HSPA4L: variants seen among roughly 807,000 people sequenced by gnomAD.
HSPA4L encodes heat shock protein family A (Hsp70) member 4 like.
Under a neutral mutation model 100.3 loss-of-function variants are expected in HSPA4L, and 48 were observed. The ratio of observed to expected loss-of-function variants is 0.48; its 90% CI spans 0.38 to 0.61. The LOEUF (loss-of-function observed/expected upper bound fraction) is 0.61, where lower values mean the gene tolerates loss of function less well. Among genes scored for constraint, HSPA4L ranks in the 20% least tolerant of loss-of-function variants. The pLI, the probability that HSPA4L is intolerant of heterozygous loss-of-function variation, is 0.00. For synonymous variants in HSPA4L, 319 were observed against 328.2 expected, an observed-to-expected ratio of 0.97 and a Z score of 0.30; for missense variants, 886 against 988.6, an observed-to-expected ratio of 0.90 and a Z score of 1.39.
Position 127,830,690 on chromosome 4 carries a change from G to A in HSPA4L, c.2219G>A (p.Cys740Tyr), listed in dbSNP as rs1383389619. Residue 740 changes from cysteine (C) to tyrosine (Y), a missense_variant, in exon 18 of 19, where the codon TGT (cysteine) becomes TAT (tyrosine). By Grantham distance (194) the Cys-to-Tyr change is radical (BLOSUM62 -2). Transcript: ENST00000296464. ...ACTGAAATGGAAAAGGTTGAAAAATGTATCAGTGATGCCATGAGTTGGCTG... is the reference window on the plus strand; with the variant it reads ...ACTGAAATGGAAAAGGTTGAAAAATATATCAGTGATGCCATGAGTTGGCTG... ...DPTEMEKVEK[C>Y]ISDAMSWLNS... is the part of the protein sequence containing the mutation. 3.7e-6 allele frequency: 6 copies of A among 1,609,242 alleles called. No homozygotes were observed. The highest frequency in any genetic ancestry group is 2.2e-5 in the East Asian group (1 of 44,446).
chr4:127,782,697 C>A, intron 1 of HSPA4L, 40 bp downstream of exon 1: 2 of 1,422,850 alleles, frequency 1.4e-6, no homozygotes, highest in Non-Finnish European at 1.9e-6. Flanking sequence ...CCCTAAGAAA[C>A]GTTTTTCTCT....
In HSPA4L at chr4:127,830,415, A is replaced by C. The variant is rs552006721; in HGVS notation, c.2167-223A>C. On this transcript the variant is annotated intron_variant, in intron 17 of 18. Coordinates refer to ENST00000296464, the MANE Select transcript of HSPA4L (RefSeq NM_014278.4). ...TATTCCTTAGTAGTCATTCTTTCCC[A>C]AACCTGATTTCTTCAGAGAGCCTTT... Among the ~76,000 whole-genome samples the C allele has an allele frequency of 6.6e-5, 10 of 152,244 alleles. No individual in the cohort carries two copies. In the East Asian group the frequency reaches 1.7e-3, roughly 26 times the overall value.
intron 10 of HSPA4L, among the ~76,000 whole-genome samples, chr4:127,807,776 T>G (rs989444447): frequency 6.6e-6 from 1 of 152,174 alleles, no homozygotes; most frequent in Non-Finnish European, 1.5e-5. Context: ...TTTTTAATAG[T>G]ATACAGTTGT....
chr4:127,785,290 A>C lies in HSPA4L; in HGVS notation c.107+2633A>C, dbSNP rs567713156. On this transcript the variant is annotated intron_variant, in intron 1 of 18. Coordinates refer to ENST00000296464, the MANE Select transcript of HSPA4L (RefSeq NM_014278.4). ...AATTTTCCTGAACATCTTATTGAAA[A>C]ATTATTACATAATAATATGTGCTCA... Among the ~76,000 whole-genome samples, 3 of 152,340 alleles carry C rather than the reference A, an allele frequency of 2.0e-5. No individual in the cohort carries two copies. The South Asian group carries it at 6.2e-4, about 32-fold the overall frequency.
rs755232976 is a variant in HSPA4L, at chr4:127,805,739, T to G, written c.1190T>G (p.Leu397Arg). Residue 397 changes from leucine (L) to arginine (R), a missense_variant, in exon 10 of 19, where the codon CTT becomes CGT. Leu to Arg is a moderately radical substitution (Grantham distance 102). Transcript: ENST00000296464. ...GTGCGTGAATTTTCCATAACAGACC[T>G]TGTTCCCTATTCAATCACATTAAGG... is the stretch of plus-strand genomic sequence containing the variant. The part of the protein sequence containing the change: ...FKVREFSITD[L>R]VPYSITLRWK... The G allele has an allele frequency of 3.1e-6, 5 of 1,612,866 alleles. No homozygotes were observed. In the Admixed American group the frequency reaches 8.3e-5, roughly 27 times the overall value.
chr4:127,799,164 C>T (rs1733105253), intron 4 of HSPA4L, among the ~76,000 whole-genome samples: 1 of 152,074 alleles, frequency 6.6e-6, no homozygotes, highest in Non-Finnish European at 1.5e-5. Context: ...TGGTTCTTTA[C>T]CTACATGTTA....
intron 18 of HSPA4L, among the ~76,000 whole-genome samples, chr4:127,831,356 C>T (rs140614604): frequency 1.4e-3 from 211 of 151,986 alleles, no homozygotes; most frequent in Non-Finnish European, 1.9e-3. Flanking sequence ...CAAAAATTAG[C>T]TGGGCGTGGT....
chr4:127,812,648 GTTTGTT>G (rs1353344342), intron 12 of HSPA4L: 3 of 667,302 alleles, frequency 4.5e-6, no homozygotes, highest in Non-Finnish European at 7.9e-6. Context: ...TTTTTTGTTT[GTTTGTT>G]TTTGTTTTGT....
chr4:127,825,075 A>G (rs1424899422), intron 16 of HSPA4L, among the ~76,000 whole-genome samples: 6 of 151,822 alleles, frequency 4.0e-5, no homozygotes, highest in African/African-American at 1.2e-4. Context: ...AGGAGGTGGA[A>G]CTTGCAGTGA....
intron 10 of HSPA4L, among the ~76,000 whole-genome samples, chr4:127,806,475 G>A (rs901862293): frequency 1.3e-5 from 2 of 151,878 alleles, no homozygotes; most frequent in Non-Finnish European, 2.9e-5. Context: ...TCACTAAAAG[G>A]ATACTGGTTT....
intron 14 of HSPA4L, among the ~76,000 whole-genome samples, chr4:127,822,260 T>C (rs1182200511): frequency 6.6e-6 from 1 of 152,220 alleles, no homozygotes; most frequent in African/African-American, 2.4e-5. Context: ...AGTGGGATTA[T>C]ACAATGCTTG....
chr4:127,823,691 C>A, intron 16 of HSPA4L, 67 bp downstream of exon 16: 2 of 869,948 alleles, frequency 2.3e-6, no homozygotes, highest in Non-Finnish European at 3.7e-6. Context: ...GGTGTAAGAG[C>A]ACAGTTTATG....
intron 11 of HSPA4L, 109 bp from the exon 12 acceptor site, chr4:127,811,328 G>T: frequency 1.3e-6 from 1 of 761,980 alleles, no homozygotes. Flanking sequence ...CATAATTATT[G>T]CCAAGATGAT....
intron 12 of HSPA4L, 113 bp downstream of exon 12, chr4:127,811,749 AT>A: frequency 1.3e-6 from 1 of 764,980 alleles, no homozygotes; most frequent in Non-Finnish European, 2.1e-6. Flanking sequence ...TTTTGCTTTG[AT>A]TTTCTGCTGT....
At chr4:127,808,352 C>T (rs1480299517) in intron 11 of HSPA4L, among the ~76,000 whole-genome samples, 1 of 152,112 alleles carries the variant, frequency 6.6e-6, no homozygotes, top group Non-Finnish European at 1.5e-5. Context: ...AGTTTGGCAT[C>T]TGTACATTCA....
Position 127,795,592 on chromosome 4 carries a change from A to G in HSPA4L, c.166-176A>G, listed in dbSNP as rs76196568. On this transcript the variant is annotated intron_variant, in intron 2 of 18. Coordinates refer to ENST00000296464, the MANE Select transcript of HSPA4L (RefSeq NM_014278.4). Reference sequence around the variant, plus strand: ...TTGGGAGGCAAGTGTTAAAATGTGTACATTCTCATTGTATGACTTTACCAT... The same window carrying G: ...TTGGGAGGCAAGTGTTAAAATGTGTGCATTCTCATTGTATGACTTTACCAT... 5.1e-3 allele frequency among the ~76,000 whole-genome samples: 781 copies of G among 152,270 alleles called. 6 individuals carry two copies. The highest frequency in any genetic ancestry group is 0.018 in the African/African-American group (753 of 41,574).
chr4:127,790,178 T>C (rs1732833918), intron 1 of HSPA4L, among the ~76,000 whole-genome samples: 1 of 152,250 alleles, frequency 6.6e-6, no homozygotes, highest in Admixed American at 6.5e-5. Flanking sequence ...AATCTGAATC[T>C]TCTTTGGCTC....
chr4:127,801,680 T>C, intron 5 of HSPA4L, 105 bp from the exon 6 acceptor site: 1 of 792,176 alleles, frequency 1.3e-6, no homozygotes, highest in Non-Finnish European at 1.9e-6. Flanking sequence ...AAGATAATAA[T>C]ATGTATTACT....
At chr4:127,826,323 G>C (rs562036345) in intron 16 of HSPA4L, among the ~76,000 whole-genome samples, 1 of 152,102 alleles carries the variant, frequency 6.6e-6, no homozygotes, top group East Asian at 1.9e-4. Flanking sequence ...GATCACTTGA[G>C]CCCAGGAATT....
Sources: allele counts gnomAD v4.1 joint callset (sites outside exome capture counted in the v4.1 genomes callset), GRCh38; gene constraint gnomAD v4.1.1; transcripts MANE v1.5; gene names NCBI Gene and HGNC (gene_info 2026-07-23, HGNC 2026-07-21).